Variants in TTL observed in about 807,000 individuals in gnomAD.
The protein encoded by TTL is tubulin--tyrosine ligase.
Under a neutral mutation model 41.1 loss-of-function variants are expected in TTL, and 10 were observed. The ratio of observed to expected loss-of-function variants is 0.24; its 90% CI spans 0.15 to 0.41. The LOEUF (loss-of-function observed/expected upper bound fraction) is 0.41. Ranked by LOEUF, TTL falls within the 10% of genes least tolerant of loss-of-function variation. TTL has a pLI of 1.00. For missense variants in TTL, 367 were observed against 460.4 expected (o/e 0.80, Z 1.86); for synonymous variants, 175 against 175.5 (o/e 1.00, Z 0.02).
chr2:112,492,958 C>T (rs1681429821), intron 2 of TTL, among the ~76,000 whole-genome samples: 1 of 152,086 alleles, frequency 6.6e-6, no homozygotes, highest in African/African-American at 2.4e-5. Flanking sequence ...ACACTGACTA[C>T]ATTTCAAATG....
At chr2:112,496,667 G>GTC in intron 3 of TTL, among the ~76,000 whole-genome samples, 2 of 43,926 alleles carry the variant, frequency 4.6e-5, no homozygotes, top group Non-Finnish European at 8.9e-5. Flanking sequence ...ATATGTGTCT[G>GTC]TGTGTGTGTG....
At chr2:112,513,821 T>G (rs1681993802) in intron 5 of TTL, among the ~76,000 whole-genome samples, 1 of 152,054 alleles carries the variant, frequency 6.6e-6, no homozygotes, top group Admixed American at 6.5e-5. Context: ...AATGAAGAAG[T>G]GATAAACATA....
At chr2:112,484,278 T>C (rs1453576527) in intron 1 of TTL, among the ~76,000 whole-genome samples, 1 of 151,310 alleles carries the variant, frequency 6.6e-6, no homozygotes, top group Non-Finnish European at 1.5e-5. Context: ...TGTCTGTTTG[T>C]TTTGCGACAG....
rs752077025 is a variant in TTL at position 112,537,399 on chromosome 2, T to G, written c.*8604T>G. 1 of 152,310 alleles carries G rather than the reference T, an allele frequency of 6.6e-6. No homozygotes were observed. Among genetic ancestry groups the G allele is most frequent in the Non-Finnish European group, 1.5e-5 (1 of 68,086 alleles). 9.4% of individuals were successfully genotyped at this position (152,310 alleles called of 1,614,324 possible). ...CCCAGCTGCTCTGTTTTAAATTCTT[T>G]GAGAAATCTCCAAACTTCTTTCCAC... On this transcript the variant is annotated 3_prime_UTR_variant, in exon 7 of 7. Transcript: ENST00000233336.
chr2:112,503,198 T>A lies in TTL; in HGVS notation c.875+17T>A. On this transcript the variant is annotated intron_variant, in intron 5 of 6. Coordinates refer to ENST00000233336, the MANE Select transcript of TTL (RefSeq NM_153712.5). The stretch of plus-strand genomic sequence containing the variant: ...TATAATAAGGTAACTTAATTGTATC[T>A]TTTTGGATTACGTGTTTCTTCTTGA... 1 of 1,556,908 alleles carries A rather than the reference T, an allele frequency of 6.4e-7. No homozygotes were observed.
At position 112,485,986 on chromosome 2, in the gene TTL, C is replaced by G. The variant is rs1179700168; in HGVS notation, c.227C>G (p.Ser76Cys). The change falls in exon 2 of 7, where the codon TCT (serine) becomes TGT (cysteine). Residue 76 changes from serine to cysteine, a missense_variant. Ser to Cys is a moderately radical substitution (Grantham distance 112, BLOSUM62 -1). Transcript: ENST00000233336. ...RGADKLCRKA[S>C]LVKLIKTSPE... ...GCTGACAAACTGTGTCGCAAAGCTT[C>G]TTTAGTGAAGTAAGTGTTAAGACCG... 4.3e-6 allele frequency: 7 copies of G among 1,614,164 alleles called. No homozygotes were observed. The highest frequency in any genetic ancestry group is 5.9e-6 in the Non-Finnish European group (7 of 1,180,020).
intron 5 of TTL, 44 bp downstream of exon 5, chr2:112,503,225 G>A (rs1174895101): frequency 2.0e-6 from 3 of 1,499,648 alleles, no homozygotes; most frequent in Non-Finnish European, 2.7e-6. Flanking sequence ...TCTTCTTGAA[G>A]GAGCTTTGGC....
At chr2:112,524,438 A>G (rs1682322770) in intron 6 of TTL, among the ~76,000 whole-genome samples, 1 of 152,198 alleles carries the variant, frequency 6.6e-6, no homozygotes, top group South Asian at 2.1e-4. Flanking sequence ...CTATTTCTCC[A>G]CATCCTCTCC....
intron 5 of TTL, 35 bp downstream of exon 5, chr2:112,503,216 C>T (rs1260889081): frequency 6.6e-7 from 1 of 1,518,632 alleles, no homozygotes; most frequent in African/African-American, 1.4e-5. Context: ...TTACGTGTTT[C>T]TTCTTGAAGG....
intron 5 of TTL, 84 bp downstream of exon 5, chr2:112,503,265 T>A: frequency 7.9e-7 from 1 of 1,268,092 alleles, no homozygotes. Flanking sequence ...TTGTTTCATA[T>A]AAGTTGTCTA....
chr2:112,485,978 C>G lies in TTL; in HGVS notation c.219C>G (p.Arg73=). 2 of 1,614,158 alleles carry G rather than the reference C, an allele frequency of 1.2e-6. No homozygotes were observed. The highest frequency in any genetic ancestry group is 2.7e-5 in the African/African-American group (2 of 75,020). ...ACAGGGGTGCTGACAAACTGTGTCG[C>G]AAAGCTTCTTTAGTGAAGTAAGTGT... is the stretch of plus-strand genomic sequence containing the variant. ...NYYRGADKLC[R]KASLVKLIKT... The change falls in exon 2 of 7, where the codon CGC becomes CGG. Residue 73 remains arginine, a synonymous_variant. Transcript: ENST00000233336.
chr2:112,502,961 G>A lies in TTL; in HGVS notation c.655G>A (p.Gly219Ser). 2.5e-6 allele frequency: 4 copies of A among 1,613,812 alleles called. No homozygotes were observed. The highest frequency in any genetic ancestry group is 2.2e-5 in the East Asian group (1 of 44,848). Residue 219 changes from glycine to serine, a missense_variant, in exon 5 of 7, where the codon GGT (glycine) becomes AGT (serine). Gly to Ser is a moderately conservative substitution (Grantham distance 56, BLOSUM62 0). Transcript: ENST00000233336. The part of the protein sequence containing the change: ...HQYNIYLYRE[G>S]VLRTASEPYH... Reference sequence around the variant, plus strand: ...GTATAATATCTACCTCTATAGAGAGGGTGTGCTTCGGACTGCTTCAGAACC... The same window carrying A: ...GTATAATATCTACCTCTATAGAGAGAGTGTGCTTCGGACTGCTTCAGAACC...
chr2:112,493,980 G>C (rs1310063979), intron 2 of TTL, among the ~76,000 whole-genome samples, 163 bp from the exon 3 acceptor site: 1 of 152,164 alleles, frequency 6.6e-6, no homozygotes, highest in East Asian at 1.9e-4. Flanking sequence ...CCCCAATAAC[G>C]CATTTGAGCT....
intron 3 of TTL, among the ~76,000 whole-genome samples, chr2:112,498,133 G>T (rs1261662702): frequency 1.3e-5 from 2 of 152,110 alleles, no homozygotes; most frequent in Admixed American, 6.5e-5. Flanking sequence ...AGACCAGTCT[G>T]GCTGACTTGC....
At chr2:112,492,881 A>T (rs1006535536) in intron 2 of TTL, among the ~76,000 whole-genome samples, 1 of 152,004 alleles carries the variant, frequency 6.6e-6, no homozygotes, top group Non-Finnish European at 1.5e-5. Context: ...ACAGACTGAG[A>T]CCCCGTCTCA....
intron 6 of TTL, among the ~76,000 whole-genome samples, chr2:112,521,761 G>A (rs1682238298): frequency 6.6e-6 from 1 of 152,232 alleles, no homozygotes; most frequent in African/African-American, 2.4e-5. Flanking sequence ...GAGACTGTGA[G>A]CAGACAGATA....
rs1682484452 is a variant in TTL at position 112,530,658 on chromosome 2, CA to C, written c.*1864del. 1 of 221,112 alleles carries C rather than the reference CA, an allele frequency of 4.5e-6. No individual in the cohort carries two copies. The highest frequency in any genetic ancestry group is 2.2e-5 in the African/African-American group (1 of 44,668). The allele number at this position is 221,112 out of a possible 1,614,324, so 13.7% of individuals were successfully genotyped here. A position where few individuals can be genotyped will look rare whatever the true frequency, so the allele number is the denominator to read the frequency against. On this transcript the variant is annotated 3_prime_UTR_variant, in exon 7 of 7. Coordinates refer to ENST00000233336, the MANE Select transcript of TTL (RefSeq NM_153712.5). ...TTTTTGTATTGCTGTCACATGCTAA[CA>C]GAGGTTTGTAATTATCTTTTGGACC... is the stretch of plus-strand genomic sequence containing the variant.
At position 112,530,535 on chromosome 2, in the gene TTL, C is replaced by T. The variant is rs931606159; in HGVS notation, c.*1740C>T. Reference sequence around the variant, plus strand: ...GGAAATTCTGAGATGGGAGTGAGATCTGATCGGATCCTGGGAAGATGTATA... The same window carrying T: ...GGAAATTCTGAGATGGGAGTGAGATTTGATCGGATCCTGGGAAGATGTATA... On this transcript the variant is annotated 3_prime_UTR_variant, in exon 7 of 7. Coordinates refer to ENST00000233336, the MANE Select transcript of TTL (RefSeq NM_153712.5). 30 of 229,118 alleles carry T rather than the reference C, an allele frequency of 1.3e-4. No individual in the cohort carries two copies. Among genetic ancestry groups the T allele is most frequent in the Non-Finnish European group, 2.4e-4 (28 of 115,572 alleles). The allele number at this position is 229,118 out of a possible 1,614,324, so 14.2% of individuals were successfully genotyped here.
intron 3 of TTL, among the ~76,000 whole-genome samples, chr2:112,498,282 C>G (rs1326931516): frequency 6.6e-6 from 1 of 152,040 alleles, no homozygotes; most frequent in Non-Finnish European, 1.5e-5. Flanking sequence ...GAGATCGCAC[C>G]ATTGCACTCC....
Sources: gnomAD v4.1 joint callset for allele counts (sites outside exome capture counted in the v4.1 genomes callset) on GRCh38, gnomAD v4.1.1 for gene constraint, MANE v1.5 for transcripts, NCBI Gene and HGNC (gene_info 2026-07-23, HGNC 2026-07-21) for gene names.